Variants in AUTS2 observed in about 807,000 individuals in gnomAD.
AUTS2 encodes the protein activator of transcription and developmental regulator AUTS2, also known as autism susceptibility gene 2 protein.
A neutral mutation model predicts 112.4 loss-of-function variants in AUTS2; 17 were observed. That is an observed-to-expected ratio of 0.15 (90% CI 0.10 to 0.23). AUTS2 has a LOEUF of 0.23. Ranked by LOEUF, AUTS2 falls within the 10% of genes least tolerant of loss-of-function variation. AUTS2 has a pLI of 1.00. For synonymous variants in AUTS2, 751 were observed against 702.7 expected (o/e 1.07, Z -1.09); for missense variants, 1,510 against 1,701.6 (o/e 0.89, Z 1.98).
intron 5 of AUTS2, among the ~76,000 whole-genome samples, chr7:70,641,572 A>T (rs1488318835): frequency 6.6e-6 from 1 of 152,116 alleles, no homozygotes; most frequent in African/African-American, 2.4e-5. Flanking sequence ...AAAAAGAAAT[A>T]GGTCTTTCAT....
At position 70,176,472 on chromosome 7, in the gene AUTS2, A is replaced by G. The variant is rs551035121; in HGVS notation, c.660+41901A>G. ...TGGTTTCTTCTTTTGTGCAATGGCA[A>G]TGATTCTGCCTGTGCAAACAACTGT... On this transcript the variant is annotated intron_variant, in intron 4 of 18. Coordinates refer to ENST00000342771, the MANE Select transcript of AUTS2 (RefSeq NM_015570.4). Among the ~76,000 whole-genome samples the G allele has an allele frequency of 5.3e-5, 8 of 152,338 alleles. No homozygotes were observed. In the South Asian group the frequency reaches 6.2e-4, roughly 12 times the overall value.
At chr7:69,975,682 G>GTT (rs879643977) in intron 2 of AUTS2, among the ~76,000 whole-genome samples, 10 of 147,060 alleles carry the variant, frequency 6.8e-5, no homozygotes, top group African/African-American at 2.2e-4. Flanking sequence ...TTTTTTAATT[G>GTT]TTTTTTTTTT....
intron 2 of AUTS2, among the ~76,000 whole-genome samples, chr7:70,013,261 A>G (rs1021310357): frequency 6.6e-6 from 1 of 152,210 alleles, no homozygotes; most frequent in Non-Finnish European, 1.5e-5. Flanking sequence ...CTGACTGTCT[A>G]AACCTTGAGG....
chr7:70,416,538 G>C (rs904156753), intron 4 of AUTS2, among the ~76,000 whole-genome samples: 2 of 152,214 alleles, frequency 1.3e-5, no homozygotes, highest in Admixed American at 6.5e-5. Flanking sequence ...TTGCCTGCTT[G>C]AAAAGAGGCT....
rs935451363 is a variant in AUTS2, at chr7:70,297,494, A to G, written c.661-138258A>G. ...CACCCAGACTGGAGTGCAGTGACGC[A>G]TCTCGGCCCACTGCAAGCTCTGCCT... On this transcript the variant is annotated intron_variant, in intron 4 of 18. Coordinates refer to ENST00000342771, the MANE Select transcript of AUTS2 (RefSeq NM_015570.4). Among the ~76,000 whole-genome samples, 3 of 149,674 alleles carry G rather than the reference A, an allele frequency of 2.0e-5. No homozygotes were observed. In the Admixed American group the frequency reaches 2.0e-4, roughly 10 times the overall value.
At chr7:70,606,462 T>C (rs2129531601) in intron 5 of AUTS2, among the ~76,000 whole-genome samples, 1 of 152,352 alleles carries the variant, frequency 6.6e-6, no homozygotes, top group African/African-American at 2.4e-5. Flanking sequence ...GGCACTTTGT[T>C]AGCAGCCGGG....
chr7:70,344,249 A>C (rs545399516), intron 4 of AUTS2, among the ~76,000 whole-genome samples: 25 of 152,156 alleles, frequency 1.6e-4, no homozygotes, highest in Non-Finnish European at 3.1e-4. Context: ...GCAGAATAGA[A>C]ATCAATGAGA....
intron 1 of AUTS2, among the ~76,000 whole-genome samples, chr7:69,730,719 C>T (rs1786756497): frequency 6.6e-6 from 1 of 152,194 alleles, no homozygotes; most frequent in Non-Finnish European, 1.5e-5. Context: ...TACCAAATAG[C>T]TGTAACCTTT....
At chr7:69,851,726 C>G (rs1271868254) in intron 1 of AUTS2, among the ~76,000 whole-genome samples, 1 of 152,122 alleles carries the variant, frequency 6.6e-6, no homozygotes, top group African/African-American at 2.4e-5. Context: ...AGATTTGCAT[C>G]TAAATATTTC....
intron 2 of AUTS2, among the ~76,000 whole-genome samples, chr7:69,981,561 A>G (rs1798295448): frequency 6.6e-6 from 1 of 152,188 alleles, no homozygotes; most frequent in Admixed American, 6.5e-5. Context: ...TTTCTTGCCA[A>G]CAATTTTTAT....
chr7:70,524,282 G>T (rs896711321), intron 5 of AUTS2, among the ~76,000 whole-genome samples: 1 of 152,178 alleles, frequency 6.6e-6, no homozygotes. Flanking sequence ...CTCAAAGCCT[G>T]GGGGAAGTCC....
At chr7:69,947,271 G>A (rs1319497701) in intron 2 of AUTS2, among the ~76,000 whole-genome samples, 10 of 152,124 alleles carry the variant, frequency 6.6e-5, no homozygotes, top group Non-Finnish European at 1.5e-4. Context: ...GCAGTTCAGT[G>A]CTTGCCGACT....
At chr7:70,233,656 ACAGT>A (rs1270020756) in intron 4 of AUTS2, among the ~76,000 whole-genome samples, 7 of 152,222 alleles carry the variant, frequency 4.6e-5, no homozygotes, top group Admixed American at 6.5e-5. Flanking sequence ...CTACTTTCAC[ACAGT>A]CAAACAGCGT....
chr7:70,361,558 A>G (rs1005432587), intron 4 of AUTS2, among the ~76,000 whole-genome samples: 4 of 152,162 alleles, frequency 2.6e-5, no homozygotes, highest in Admixed American at 2.6e-4. Flanking sequence ...AATAATGACT[A>G]GGTTCCTAAG....
intron 4 of AUTS2, among the ~76,000 whole-genome samples, chr7:70,162,692 C>T (rs1040496245): frequency 6.6e-5 from 10 of 151,946 alleles, no homozygotes; most frequent in South Asian, 4.2e-4. Context: ...TATTATTAAA[C>T]GAAAACATAT....
At chr7:69,894,223 C>T (rs1011815177) in intron 1 of AUTS2, among the ~76,000 whole-genome samples, 6 of 119,800 alleles carry the variant, frequency 5.0e-5, no homozygotes, top group African/African-American at 2.0e-4. Flanking sequence ...CCTGCTTCTT[C>T]TATGACTGTC....
rs192721502 is a variant in AUTS2 at position 70,458,441 on chromosome 7, C to T, written c.690+22660C>T. Among the ~76,000 whole-genome samples, 6 of 152,230 alleles carry T rather than the reference C, an allele frequency of 3.9e-5. No individual in the cohort carries two copies. The East Asian group carries it at 5.8e-4, about 15-fold the overall frequency. On this transcript the variant is annotated intron_variant, in intron 5 of 18. Transcript: ENST00000342771. ...TATAAAGAATACCCTACTTCATGAC[C>T]CCAGCCTCTTGTTAGCTGATAGATG...
intron 2 of AUTS2, among the ~76,000 whole-genome samples, chr7:69,904,325 A>G (rs1172148852): frequency 1.3e-5 from 2 of 152,230 alleles, no homozygotes; most frequent in African/African-American, 4.8e-5. Context: ...AGTAGAAATT[A>G]ACTTGCAAAG....
intron 1 of AUTS2, among the ~76,000 whole-genome samples, chr7:69,751,435 G>A (rs1425521065): frequency 1.3e-5 from 2 of 152,180 alleles, no homozygotes; most frequent in Non-Finnish European, 2.9e-5. Flanking sequence ...AGAAGCAAGA[G>A]TGAGGTGACA....
Sources: gnomAD v4.1 joint callset for allele counts (sites outside exome capture counted in the v4.1 genomes callset) on GRCh38, gnomAD v4.1.1 for gene constraint, MANE v1.5 for transcripts, NCBI Gene and HGNC (gene_info 2026-07-23, HGNC 2026-07-21) for gene names.